MYO5A: variants seen among roughly 807,000 people sequenced by gnomAD.
MYO5A encodes myosin VA, also known as unconventional myosin-Va.
In MYO5A, 98 loss-of-function variants were observed where a neutral mutation model predicts 249.7. The ratio of observed to expected loss-of-function variants is 0.39; its 90% CI spans 0.33 to 0.46. MYO5A has a LOEUF of 0.46. MYO5A is among the 20% of genes least tolerant of loss of function. The pLI, the probability that MYO5A is intolerant of heterozygous loss-of-function variation, is 0.98. For missense variants in MYO5A, 1,696 were observed against 2,308.8 expected (o/e 0.73, Z 5.44); for synonymous variants, 778 against 810.6 (o/e 0.96, Z 0.68).
chr15:52,327,739 G>C (rs2038678858), intron 36 of MYO5A, 113 bp downstream of exon 36: 2 of 1,158,480 alleles, frequency 1.7e-6, no homozygotes, highest in Non-Finnish European at 2.6e-6. Flanking sequence ...ATAAAAATTG[G>C]AAAGTTTTAA....
intron 1 of MYO5A, among the ~76,000 whole-genome samples, chr15:52,499,542 G>A (rs1395681136): frequency 2.6e-5 from 4 of 152,036 alleles, no homozygotes; most frequent in Admixed American, 6.6e-5. Flanking sequence ...TGTCTCTACC[G>A]ATTGTACTAC....
intron 21 of MYO5A, 91 bp from the exon 22 acceptor site, chr15:52,370,508 C>G: frequency 7.3e-7 from 1 of 1,364,742 alleles, no homozygotes; most frequent in Admixed American, 1.8e-5. Flanking sequence ...CATATTCATG[C>G]TATATCATCA....
intron 1 of MYO5A, among the ~76,000 whole-genome samples, chr15:52,497,157 T>G (rs762379607): frequency 6.6e-6 from 1 of 152,110 alleles, no homozygotes; most frequent in Non-Finnish European, 1.5e-5. Context: ...AGATGAGGTT[T>G]TGCCATGTGG....
intron 1 of MYO5A, among the ~76,000 whole-genome samples, chr15:52,448,957 CTTTTTTTTTTTTTTTT>C (rs145765339): frequency 1.3e-3 from 72 of 55,598 alleles, no homozygotes; most frequent in African/African-American, 5.8e-3. Context: ...TCTTGTCTTT[CTTTTTTTTTTTTTTTT>C]TTTTTTTTTT....
intron 37 of MYO5A, among the ~76,000 whole-genome samples, chr15:52,322,799 C>T (rs575754596): frequency 1.5e-4 from 22 of 149,894 alleles, no homozygotes; most frequent in African/African-American, 5.1e-4. Context: ...TTTTAAGGTC[C>T]TCTTATTGTC....
intron 1 of MYO5A, among the ~76,000 whole-genome samples, chr15:52,528,242 C>T (rs981204198): frequency 6.6e-6 from 1 of 152,174 alleles, no homozygotes; most frequent in Non-Finnish European, 1.5e-5. Flanking sequence ...CCGGGGCTCG[C>T]CACCCCCAGC....
intron 33 of MYO5A, 73 bp from the exon 34 acceptor site, chr15:52,336,629 C>G: frequency 9.2e-7 from 1 of 1,086,844 alleles, no homozygotes. Context: ...GGAAAATAGA[C>G]ACAATATCAC....
rs552196722 is a variant in MYO5A, at chr15:52,389,440, T to C, written c.1543-77A>G. On this transcript the variant is annotated intron_variant, in intron 12 of 41. Coordinates refer to ENST00000399233, the MANE Select transcript of MYO5A (RefSeq NM_001382347.1). ...CTCTAAAGCATCAGCTGTCAAAAGATCTTTTATTTTTTTTTTTTGGCTTTA... is the reference window on the plus strand; with the variant it reads ...CTCTAAAGCATCAGCTGTCAAAAGACCTTTTATTTTTTTTTTTTGGCTTTA... The C allele has an allele frequency of 1.5e-4, 206 of 1,410,878 alleles. No homozygotes were observed. In the African/African-American group the frequency reaches 2.7e-3, roughly 18 times the overall value. 87.4% of individuals were successfully genotyped at this position (1,410,878 alleles called of 1,614,324 possible). A position where few individuals can be genotyped will look rare whatever the true frequency, so the allele number is the denominator to read the frequency against.
chr15:52,408,855 C>T (rs767825919), intron 6 of MYO5A, among the ~76,000 whole-genome samples: 5 of 152,162 alleles, frequency 3.3e-5, no homozygotes, highest in Non-Finnish European at 7.3e-5. Flanking sequence ...TTGATGCCCA[C>T]AGGGGGCTGA....
At position 52,425,422 on chromosome 15, in the gene MYO5A, CAAT is replaced by C. The variant is rs532041296; in HGVS notation, c.455+405_455+407del. ...TGGCCCAGGTTGGAGTGCAGTGGCACAATCTCGGCTCACTGCAACCTCTGTCTC... is the reference window on the plus strand; with the variant it reads ...TGGCCCAGGTTGGAGTGCAGTGGCACCTCGGCTCACTGCAACCTCTGTCTC... On this transcript the variant is annotated intron_variant, in intron 4 of 41. Transcript: ENST00000399233. 7.5e-3 allele frequency among the ~76,000 whole-genome samples: 1,136 copies of C among 152,230 alleles called. 8 individuals carry two copies. Among genetic ancestry groups the C allele is most frequent in the Non-Finnish European group, 0.011 (755 of 68,014 alleles).
At position 52,450,840 on chromosome 15, in the gene MYO5A, G is replaced by GTGGTTTTT. The variant is rs1306990162; in HGVS notation, c.28-17563_28-17556dup. On this transcript the variant is annotated intron_variant, in intron 1 of 41. Transcript: ENST00000399233. ...ATTCTTATGATTAGATTGCACTACT[G>GTGGTTTTT]TGGTTTTTTTTTTTTTTTTTTTTTT... 3.0e-4 allele frequency among the ~76,000 whole-genome samples: 18 copies of GTGGTTTTT among 60,272 alleles called. 1 individual carries two copies. Among genetic ancestry groups the GTGGTTTTT allele is most frequent in the African/African-American group, 1.7e-3 (18 of 10,778 alleles). 39.5% of individuals were successfully genotyped at this position (60,272 alleles called of 152,430 possible).
intron 1 of MYO5A, among the ~76,000 whole-genome samples, chr15:52,481,779 CAG>C: frequency 6.6e-6 from 1 of 152,148 alleles, no homozygotes; most frequent in East Asian, 1.9e-4. Context: ...AATGAGAGGC[CAG>C]AGAGATTCCC....
In MYO5A at chr15:52,370,326, C is replaced by T. The variant is rs770514590; in HGVS notation, c.2909G>A (p.Arg970His). 8 of 1,614,124 alleles carry T rather than the reference C, an allele frequency of 5.0e-6. No homozygotes were observed. In the Admixed American group the frequency reaches 5.0e-5, roughly 10 times the overall value. Residue 970 changes from arginine (R) to histidine (H), a missense_variant, in exon 22 of 42, where the codon CGT becomes CAT. By Grantham distance (29) the Arg-to-His change is conservative. Coordinates refer to ENST00000399233, the MANE Select transcript of MYO5A (RefSeq NM_001382347.1). ...ETEKLRSDLE[R>H]LQLSEEEAKV... Reference sequence around the variant, plus strand: ...CGCTTCCTCTTCACTTAGTTGAAGACGTTCTAAGTCACTTCGTAGTTTCTC... The same window carrying T: ...CGCTTCCTCTTCACTTAGTTGAAGATGTTCTAAGTCACTTCGTAGTTTCTC...
At chr15:52,484,210 G>T (rs1396807754) in intron 1 of MYO5A, among the ~76,000 whole-genome samples, 1 of 152,178 alleles carries the variant, frequency 6.6e-6, no homozygotes, top group Admixed American at 6.5e-5. Context: ...CAAGTTGAAC[G>T]TATTACAGGT....
intron 1 of MYO5A, among the ~76,000 whole-genome samples, chr15:52,465,984 T>C (rs143465958): frequency 6.6e-6 from 1 of 151,882 alleles, no homozygotes; most frequent in African/African-American, 2.4e-5. Context: ...TGGAAAAGGG[T>C]ACATATCTCT....
chr15:52,336,429 C>T, intron 34 of MYO5A, 34 bp downstream of exon 34: 1 of 1,400,366 alleles, frequency 7.1e-7, no homozygotes, highest in Non-Finnish European at 1.0e-6. Flanking sequence ...CAAACCAAGA[C>T]TCAGTGACCG....
intron 28 of MYO5A, among the ~76,000 whole-genome samples, 180 bp from the exon 29 acceptor site, chr15:52,349,006 A>T (rs1359925157): frequency 6.6e-6 from 1 of 152,186 alleles, no homozygotes; most frequent in Non-Finnish European, 1.5e-5. Flanking sequence ...ACTGTCATAA[A>T]ACAGAGACTA....
intron 1 of MYO5A, among the ~76,000 whole-genome samples, chr15:52,486,169 G>A (rs1463132070): frequency 6.6e-6 from 1 of 152,192 alleles, no homozygotes; most frequent in East Asian, 1.9e-4. Context: ...GGTGGGGGAT[G>A]GTGAAACAAG....
At chr15:52,459,551 T>C (rs2076195089) in intron 1 of MYO5A, among the ~76,000 whole-genome samples, 1 of 151,694 alleles carries the variant, frequency 6.6e-6, no homozygotes, top group African/African-American at 2.4e-5. Flanking sequence ...CAAAATGGAG[T>C]CTCCTATGTC....
Sources: allele counts gnomAD v4.1 joint callset (sites outside exome capture counted in the v4.1 genomes callset), GRCh38; gene constraint gnomAD v4.1.1; transcripts MANE v1.5; gene names NCBI Gene and HGNC (gene_info 2026-07-23, HGNC 2026-07-21).